Variants in DHTKD1 observed in about 807,000 individuals in gnomAD.
DHTKD1 encodes dehydrogenase E1 and transketolase domain containing 1.
A neutral mutation model predicts 101.8 loss-of-function variants in DHTKD1; 78 were observed. That is an observed-to-expected ratio of 0.77 (90% CI 0.64 to 0.93). The LOEUF (loss-of-function observed/expected upper bound fraction) is 0.93, where lower values mean the gene tolerates loss of function less well. Among genes scored for constraint, DHTKD1 ranks in the 40% least tolerant of loss-of-function variants. The pLI is 0.00. For synonymous variants in DHTKD1, 462 were observed against 450.3 expected, an observed-to-expected ratio of 1.03 and a Z score of -0.33; for missense variants, 1,223 against 1,161.7, an observed-to-expected ratio of 1.05 and a Z score of -0.77.
chr10:12,114,107 A>G (rs1359976125), intron 13 of DHTKD1, among the ~76,000 whole-genome samples: 3 of 150,148 alleles, frequency 2.0e-5, no homozygotes, highest in Admixed American at 6.7e-5. Context: ...CGTGAAATTT[A>G]TCATTTTATC....
intron 6 of DHTKD1, among the ~76,000 whole-genome samples, chr10:12,092,860 T>G (rs1377535958): frequency 6.6e-6 from 1 of 152,008 alleles, no homozygotes; most frequent in Non-Finnish European, 1.5e-5. Flanking sequence ...CTTTTTTATC[T>G]GTGGAAATTG....
chr10:12,119,603 G>C lies in DHTKD1; in HGVS notation c.2573-579G>C, dbSNP rs547213515. The stretch of plus-strand genomic sequence containing the variant: ...TGCACTCCAGCCTGGGCGACAGAGC[G>C]AGACTCCGTCTCAAAAAAAAAAAAA... On this transcript the variant is annotated intron_variant, in intron 15 of 16. Coordinates refer to ENST00000263035, the MANE Select transcript of DHTKD1 (RefSeq NM_018706.7). 1.9e-3 allele frequency among the ~76,000 whole-genome samples: 257 copies of C among 136,128 alleles called. 2 individuals are homozygous for C. The highest frequency in any genetic ancestry group is 6.7e-3 in the African/African-American group (236 of 35,188). 89.3% of individuals were successfully genotyped at this position (136,128 alleles called of 152,430 possible).
Position 12,094,284 on chromosome 10 carries a change from A to G in DHTKD1, c.1358+13A>G, listed in dbSNP as rs534498478. The G allele has an allele frequency of 6.2e-7, 1 of 1,611,118 alleles. No individual in the cohort carries two copies. The highest frequency in any genetic ancestry group is 1.3e-5 in the African/African-American group (1 of 74,944). ...ACAAAATCATCAGGTACAATTATAA[A>G]CCCTTGTGTGATATGCCCCCTAAAA... On this transcript the variant is annotated intron_variant, in intron 7 of 16. Coordinates refer to ENST00000263035, the MANE Select transcript of DHTKD1 (RefSeq NM_018706.7).
At chr10:12,111,170 T>TTTTC (rs554604798) in intron 12 of DHTKD1, among the ~76,000 whole-genome samples, 12 of 152,092 alleles carry the variant, frequency 7.9e-5, no homozygotes, top group African/African-American at 2.9e-4. Flanking sequence ...CCTTTTGTGT[T>TTTTC]TTCTTTTATT....
chr10:12,073,603 T>G (rs1832680746), intron 1 of DHTKD1, among the ~76,000 whole-genome samples: 1 of 152,144 alleles, frequency 6.6e-6, no homozygotes, highest in Non-Finnish European at 1.5e-5. Context: ...TCAACCAGGC[T>G]TTTCTGAAGG....
At position 12,118,905 on chromosome 10, in the gene DHTKD1, C is replaced by G. The variant is rs758290860; in HGVS notation, c.2559C>G (p.Tyr853Ter). The G allele has an allele frequency of 6.3e-6, 10 of 1,578,570 alleles. No homozygotes were observed. The highest frequency in any genetic ancestry group is 2.3e-5 in the East Asian group (1 of 42,564). The change falls in exon 15 of 17, where the codon TAC (tyrosine) becomes TAG (stop). Residue 853 changes from tyrosine (Y) to a stop codon, truncating the protein, a stop_gained. Coordinates refer to ENST00000263035, the MANE Select transcript of DHTKD1 (RefSeq NM_018706.7). LOFTEE classifies it high-confidence loss of function. The part of the protein sequence containing the change: ...LDSLQQEMSK[Y>*]KHVKDHIWSQ... ...CTTTACAGCAAGAGATGAGCAAATA[C>G]AAACATGTTAAAGGTAAGAGGTTGT...
At chr10:12,120,470 A>G (rs558381829) in intron 16 of DHTKD1, 16 of 529,930 alleles carry the variant, frequency 3.0e-5, no homozygotes, top group South Asian at 2.9e-4. Context: ...AGTAGCTGGG[A>G]CTACAGGCGC....
intron 1 of DHTKD1, among the ~76,000 whole-genome samples, chr10:12,076,835 T>C (rs1436892462): frequency 1.3e-5 from 2 of 151,894 alleles, no homozygotes; most frequent in Non-Finnish European, 2.9e-5. Flanking sequence ...ATTTTTTGTA[T>C]TTTTAGTAGA....
Position 12,122,697 on chromosome 10 carries a change from C to T in DHTKD1, c.*1809C>T, listed in dbSNP as rs1833544380. On this transcript the variant is annotated 3_prime_UTR_variant, in exon 17 of 17. Transcript: ENST00000263035. ...CTTTATTTGAGGGACTTTCCCAACA[C>T]CAGGTGCTTGGGGATTTCTTAGAGA... 6.6e-6 allele frequency: 1 copy of T among 152,104 alleles called. No individual in the cohort carries two copies. 9.4% of individuals were successfully genotyped at this position (152,104 alleles called of 1,614,324 possible).
In DHTKD1 at chr10:12,068,989, C is replaced by T. The variant is rs772415226; in HGVS notation, c.-45C>T. 18 of 1,608,648 alleles carry T rather than the reference C, an allele frequency of 1.1e-5. No individual in the cohort carries two copies. The highest frequency in any genetic ancestry group is 1.1e-4 in the East Asian group (5 of 44,720). On this transcript the variant is annotated 5_prime_UTR_variant, in exon 1 of 17. Coordinates refer to ENST00000263035, the MANE Select transcript of DHTKD1 (RefSeq NM_018706.7). ...GGATTTACCAGGGCCGGTGGGATCC[C>T]CTCGGGCTCCCGCCTTAGCATGCTG...
intron 1 of DHTKD1, among the ~76,000 whole-genome samples, chr10:12,080,299 C>CA (rs11359134): frequency 4.6e-4 from 40 of 87,626 alleles, no homozygotes; most frequent in Middle Eastern, 6.3e-3. Flanking sequence ...GACTCCGTCT[C>CA]AAAAAAAAAA....
At position 12,069,029 on chromosome 10, in the gene DHTKD1, T is replaced by C. The variant is rs187324597; in HGVS notation, c.-5T>C. 453 of 1,613,062 alleles carry C rather than the reference T, an allele frequency of 2.8e-4. 2 individuals are homozygous for C. The East Asian group carries it at 9.6e-3, about 34-fold the overall frequency. ...TTAGCATGCTGGCCGGGACATCTGG[T>C]GAACATGGCCTCTGCTACTGCGGCA... On this transcript the variant is annotated 5_prime_UTR_variant, in exon 1 of 17. Coordinates refer to ENST00000263035, the MANE Select transcript of DHTKD1 (RefSeq NM_018706.7).
Position 12,081,556 on chromosome 10 carries a change from A to C in DHTKD1, c.239A>C (p.Gln80Pro). The C allele has an allele frequency of 6.2e-7, 1 of 1,614,158 alleles. No individual in the cohort carries two copies. ...AAAATCAACCCCCTCTTCACCGGAC[A>C]AGCCCTGCTGGAGAATGTGCCTGAA... is the stretch of plus-strand genomic sequence containing the variant. ...AAKINPLFTG[Q>P]ALLENVPEIQ... The change falls in exon 2 of 17, where the codon CAA (glutamine) becomes CCA (proline). Residue 80 changes from glutamine (Q) to proline (P), a missense_variant. By Grantham distance (76) the Gln-to-Pro change is moderately conservative (BLOSUM62 -1). Transcript: ENST00000263035.
Position 12,118,767 on chromosome 10 carries a change from C to A in DHTKD1, c.2421C>A (p.Phe807Leu). 1 of 1,587,014 alleles carries A rather than the reference C, an allele frequency of 6.3e-7. No homozygotes were observed. Among genetic ancestry groups the A allele is most frequent in the Non-Finnish European group, 8.6e-7 (1 of 1,168,578 alleles). ...CCAACAGGGTTAAGACCCTCGTGTT[C>A]TGCTCCGGCAAACATTTCTACTCCC... Reference protein sequence around the residue: ...VDPKKVKTLVFCSGKHFYSLV... With the variant: ...VDPKKVKTLVLCSGKHFYSLV... Residue 807 changes from phenylalanine to leucine, a missense_variant, in exon 15 of 17, where the codon TTC becomes TTA. Coordinates refer to ENST00000263035, the MANE Select transcript of DHTKD1 (RefSeq NM_018706.7).
At chr10:12,072,042 C>T (rs1832657907) in intron 1 of DHTKD1, among the ~76,000 whole-genome samples, 1 of 152,130 alleles carries the variant, frequency 6.6e-6, no homozygotes, top group African/African-American at 2.4e-5. Context: ...TGCAGTGGTG[C>T]AGTCACAGCT....
At position 12,107,902 on chromosome 10, in the gene DHTKD1, T is replaced by A; in HGVS notation, c.2048-7T>A. On this transcript the variant is annotated splice_polypyrimidine_tract_variant and splice_region_variant and intron_variant, in intron 11 of 16. Coordinates refer to ENST00000263035, the MANE Select transcript of DHTKD1 (RefSeq NM_018706.7). This position sits in a 1 kb window ranked among gnomAD's most constrained non-coding sequence, Gnocchi z 4.1. ...GAGCTCTTACTCCCCACGTGGTACT[T>A]TTCCAGGAGAGGCCAAGTGGCTCCT... is the stretch of plus-strand genomic sequence containing the variant. 1 of 1,604,552 alleles carries A rather than the reference T, an allele frequency of 6.2e-7. No homozygotes were observed. The highest frequency in any genetic ancestry group is 8.5e-7 in the Non-Finnish European group (1 of 1,171,612).
chr10:12,106,820 A>G (rs1320734846), intron 11 of DHTKD1, among the ~76,000 whole-genome samples: 1 of 152,100 alleles, frequency 6.6e-6, no homozygotes, highest in African/African-American at 2.4e-5. Context: ...AATCTTTCCT[A>G]TAGTTATGCT....
Position 12,103,893 on chromosome 10 carries a change from T to A in DHTKD1, c.1897-2353T>A, listed in dbSNP as rs1025786752. Among the ~76,000 whole-genome samples the A allele has an allele frequency of 3.9e-5, 6 of 152,162 alleles. No homozygotes were observed. Among genetic ancestry groups the A allele is most frequent in the Non-Finnish European group, 8.8e-5 (6 of 68,022 alleles). ...AATTCAACCTCTCAGTGTGTACACT[T>A]GAGCAGTTTGTAGTCTATTCACAGA... On this transcript the variant is annotated intron_variant, in intron 10 of 16. Transcript: ENST00000263035. This position sits in a 1 kb window ranked among gnomAD's most constrained non-coding sequence, Gnocchi z 4.8.
chr10:12,085,556 A>G (rs1477130363), intron 3 of DHTKD1, among the ~76,000 whole-genome samples: 2 of 152,132 alleles, frequency 1.3e-5, no homozygotes, highest in Admixed American at 6.6e-5. Flanking sequence ...TACTCACTCT[A>G]TAAAAGACCT....
Sources: allele counts gnomAD v4.1 joint callset (sites outside exome capture counted in the v4.1 genomes callset), GRCh38; gene constraint gnomAD v4.1.1; non-coding constraint Gnocchi (gnomAD v3.1); transcripts MANE v1.5; gene names NCBI Gene and HGNC (gene_info 2026-07-23, HGNC 2026-07-21).